Variants in KCNQ3 observed in about 807,000 individuals in gnomAD.
The protein encoded by KCNQ3 is potassium voltage-gated channel subfamily Q member 3.
A neutral mutation model predicts 92.5 loss-of-function variants in KCNQ3; 30 were observed. That is an observed-to-expected ratio of 0.32 (90% confidence interval 0.24 to 0.44). The LOEUF (loss-of-function observed/expected upper bound fraction) is 0.44, where lower values mean the gene tolerates loss of function less well. Ranked by LOEUF, KCNQ3 falls within the 20% of genes least tolerant of loss-of-function variation. KCNQ3 has a pLI of 1.00. For synonymous variants in KCNQ3, 450 were observed against 468.8 expected, an observed-to-expected ratio of 0.96 and a Z score of 0.52; for missense variants, 913 against 1,140.3, an observed-to-expected ratio of 0.80 and a Z score of 2.87.
At position 132,441,833 on chromosome 8, in the gene KCNQ3, C is replaced by T. The variant is rs1362723865; in HGVS notation, c.386+38314G>A. On this transcript the variant is annotated intron_variant, in intron 1 of 14. Coordinates refer to ENST00000388996, the MANE Select transcript of KCNQ3 (RefSeq NM_004519.4). The stretch of plus-strand genomic sequence containing the variant: ...CCATTCTGGAATCAACCTAAATATC[C>T]GTCAATGATAGACTGAATAAAGAAA... Among the ~76,000 whole-genome samples, 4 of 152,092 alleles carry T rather than the reference C, an allele frequency of 2.6e-5. No individual in the cohort carries two copies. The East Asian group carries it at 5.8e-4, about 22-fold the overall frequency.
At chr8:132,410,597 T>TAGCAGCAGCTGC (rs1820624635) in intron 1 of KCNQ3, among the ~76,000 whole-genome samples, 1 of 152,240 alleles carries the variant, frequency 6.6e-6, no homozygotes, top group African/African-American at 2.4e-5. Flanking sequence ...GACAGCCAGT[T>TAGCAGCAGCTGC]AGCAGCAGCT....
At chr8:132,409,050 T>C (rs766396321) in intron 1 of KCNQ3, among the ~76,000 whole-genome samples, 3 of 152,218 alleles carry the variant, frequency 2.0e-5, no homozygotes, top group Non-Finnish European at 2.9e-5. Context: ...GCTAAATTTG[T>C]GGTAATTTGT....
At chr8:132,142,038 A>C (rs575624838) in intron 9 of KCNQ3, among the ~76,000 whole-genome samples, 1 of 152,168 alleles carries the variant, frequency 6.6e-6, no homozygotes, top group Non-Finnish European at 1.5e-5. Context: ...CTGGCTTCCA[A>C]ATTATGGTGG....
At chr8:132,430,830 C>T (rs1339290780) in intron 1 of KCNQ3, among the ~76,000 whole-genome samples, 6 of 152,136 alleles carry the variant, frequency 3.9e-5, no homozygotes, top group East Asian at 1.9e-4. Flanking sequence ...TCCGTTTGTC[C>T]TTCCTCAACA....
intron 1 of KCNQ3, among the ~76,000 whole-genome samples, chr8:132,320,792 G>A (rs1157810193): frequency 6.6e-6 from 1 of 152,162 alleles, no homozygotes; most frequent in African/African-American, 2.4e-5. Flanking sequence ...TAACAGAAGA[G>A]AAAACAAATG....
intron 1 of KCNQ3, among the ~76,000 whole-genome samples, chr8:132,311,976 G>A (rs1817607116): frequency 8.6e-6 from 1 of 115,620 alleles, no homozygotes; most frequent in Non-Finnish European, 2.0e-5. Context: ...GAGGAGAGGA[G>A]ACACAGAAAC....
At chr8:132,299,843 A>G (rs1181073316) in intron 1 of KCNQ3, among the ~76,000 whole-genome samples, 1 of 152,196 alleles carries the variant, frequency 6.6e-6, no homozygotes, top group Non-Finnish European at 1.5e-5. Flanking sequence ...TCTGTTTATA[A>G]GGTCACAGAC....
intron 9 of KCNQ3, 82 bp downstream of exon 9, chr8:132,163,386 A>G (rs1826048860): frequency 4.2e-6 from 5 of 1,180,324 alleles, no homozygotes; most frequent in Admixed American, 1.7e-5. Flanking sequence ...ATGACCTCCC[A>G]TGGGGCCCTA....
At chr8:132,183,935 C>T (rs1379533062) in intron 3 of KCNQ3, among the ~76,000 whole-genome samples, 10 of 152,136 alleles carry the variant, frequency 6.6e-5, no homozygotes, top group Admixed American at 6.6e-4. Flanking sequence ...ACTCCAGGGA[C>T]TGGGGATGCT....
At chr8:132,159,520 G>A (rs536716441) in intron 9 of KCNQ3, among the ~76,000 whole-genome samples, 1 of 152,340 alleles carries the variant, frequency 6.6e-6, no homozygotes, top group South Asian at 2.1e-4. Context: ...GTCAATCTGA[G>A]TGCTTCTCTG....
chr8:132,309,148 T>A (rs1374225365), intron 1 of KCNQ3, among the ~76,000 whole-genome samples: 1 of 152,172 alleles, frequency 6.6e-6, no homozygotes, highest in African/African-American at 2.4e-5. Flanking sequence ...CTTTCTCCCA[T>A]GCCGGATGCT....
At chr8:132,442,099 G>C (rs71526253) in intron 1 of KCNQ3, among the ~76,000 whole-genome samples, 2 of 152,174 alleles carry the variant, frequency 1.3e-5, no homozygotes, top group Admixed American at 6.5e-5. Context: ...GGAGGAGGGA[G>C]AGAATCAGGA....
At chr8:132,250,063 G>T (rs1815349087) in intron 1 of KCNQ3, among the ~76,000 whole-genome samples, 1 of 152,172 alleles carries the variant, frequency 6.6e-6, no homozygotes, top group East Asian at 1.9e-4. Flanking sequence ...GCAAGCAGAG[G>T]GAGCCGGCTC....
intron 1 of KCNQ3, among the ~76,000 whole-genome samples, chr8:132,393,960 G>C (rs1183214080): frequency 1.3e-5 from 2 of 152,200 alleles, no homozygotes; most frequent in African/African-American, 2.4e-5. Context: ...GCCAGCCAGG[G>C]TTTGCCAGCT....
At chr8:132,407,853 C>G (rs1820533617) in intron 1 of KCNQ3, among the ~76,000 whole-genome samples, 1 of 152,178 alleles carries the variant, frequency 6.6e-6, no homozygotes, top group Admixed American at 6.5e-5. Context: ...CACTGATGCT[C>G]AAGCAGCCCC....
intron 1 of KCNQ3, among the ~76,000 whole-genome samples, chr8:132,424,233 G>A (rs893997037): frequency 2.6e-5 from 4 of 151,808 alleles, no homozygotes; most frequent in South Asian, 2.1e-4. Context: ...TGCCTCTGTC[G>A]CCCATTCCAC....
At chr8:132,323,546 C>T (rs1052201480) in intron 1 of KCNQ3, among the ~76,000 whole-genome samples, 1 of 152,146 alleles carries the variant, frequency 6.6e-6, no homozygotes, top group African/African-American at 2.4e-5. Context: ...TATTGTTTTC[C>T]CCCAAAACCT....
intron 1 of KCNQ3, among the ~76,000 whole-genome samples, chr8:132,443,114 C>G (rs1316102414): frequency 6.6e-6 from 1 of 152,278 alleles, no homozygotes; most frequent in Non-Finnish European, 1.5e-5. Flanking sequence ...ATTGCTAAGG[C>G]CCCGCTTGAG....
chr8:132,132,891 G>A (rs1824932371), intron 13 of KCNQ3, among the ~76,000 whole-genome samples: 1 of 152,140 alleles, frequency 6.6e-6, no homozygotes, highest in Admixed American at 6.5e-5. Context: ...AACTTTCAGG[G>A]AGTCTAGCTA....
Sources: allele counts gnomAD v4.1 joint callset (sites outside exome capture counted in the v4.1 genomes callset), GRCh38; gene constraint gnomAD v4.1.1; transcripts MANE v1.5; gene names NCBI Gene and HGNC (gene_info 2026-07-23, HGNC 2026-07-21).